PSPH: variants seen among roughly 807,000 people sequenced by gnomAD.
PSPH encodes the protein phosphoserine phosphatase.
In PSPH, 16 loss-of-function variants were observed where a neutral mutation model predicts 23.4. The ratio of observed to expected loss-of-function variants is 0.68; its 90% CI spans 0.46 to 1.04. The LOEUF (loss-of-function observed/expected upper bound fraction) is 1.04, where lower values mean the gene tolerates loss of function less well. Among genes scored for constraint, PSPH ranks in the 50% least tolerant of loss-of-function variants. The probability of loss-of-function intolerance (pLI) is 0.00; values close to 1 mark genes in which losing one functional copy is unlikely to be tolerated. For synonymous variants in PSPH, 68 were observed against 99.7 expected (o/e 0.68, Z 1.89); for missense variants, 223 against 273.7 (o/e 0.81, Z 1.31).
At chr7:56,040,919 AG>A in intron 1 of PSPH, among the ~76,000 whole-genome samples, 1 of 152,110 alleles carries the variant, frequency 6.6e-6, no homozygotes, top group South Asian at 2.1e-4. Context: ...GCAGAAAGGG[AG>A]TGGAAACCCT....
At chr7:56,039,812 T>C (rs1192687376) in intron 1 of PSPH, among the ~76,000 whole-genome samples, 1 of 120,376 alleles carries the variant, frequency 8.3e-6, no homozygotes, top group Non-Finnish European at 1.7e-5. Flanking sequence ...AAAAAAACAA[T>C]ATATGGCTGG....
At chr7:56,034,591 C>T (rs1791476987) in intron 1 of PSPH, among the ~76,000 whole-genome samples, 1 of 152,174 alleles carries the variant, frequency 6.6e-6, no homozygotes, top group South Asian at 2.1e-4. Flanking sequence ...TCTCGGCTCA[C>T]TGCAAGCTCC....
chr7:56,012,427 C>T (rs770895010), intron 7 of PSPH, among the ~76,000 whole-genome samples: 12 of 152,050 alleles, frequency 7.9e-5, no homozygotes, highest in Non-Finnish European at 1.3e-4. Context: ...GCAATCCTCC[C>T]GCCTCAGCCT....
chr7:56,049,551 G>A (rs547806163), intron 1 of PSPH, among the ~76,000 whole-genome samples: 16 of 151,720 alleles, frequency 1.1e-4, no homozygotes, highest in Non-Finnish European at 1.5e-4. Context: ...TGATTCTCCC[G>A]CCTCAGCCTC....
intron 1 of PSPH, among the ~76,000 whole-genome samples, chr7:56,039,855 T>C (rs913144366): frequency 5.3e-5 from 8 of 151,296 alleles, no homozygotes; most frequent in Middle Eastern, 3.5e-3. Flanking sequence ...TCCCAGCACT[T>C]TGGGAGGCCG....
intron 5 of PSPH, among the ~76,000 whole-genome samples, chr7:56,019,224 T>C (rs1788984723): frequency 6.6e-6 from 1 of 151,920 alleles, no homozygotes; most frequent in Admixed American, 6.6e-5. Context: ...GGCAGATCAT[T>C]TGAGGTCAAG....
chr7:56,029,863 G>A (rs1385509248), intron 3 of PSPH, among the ~76,000 whole-genome samples: 2 of 151,806 alleles, frequency 1.3e-5, no homozygotes, highest in Non-Finnish European at 2.9e-5. Flanking sequence ...AAGTATAGCC[G>A]GGCGTGGGGA....
intron 5 of PSPH, among the ~76,000 whole-genome samples, chr7:56,017,880 G>A (rs554960464): frequency 6.6e-6 from 1 of 151,926 alleles, no homozygotes; most frequent in East Asian, 2.0e-4. Context: ...GCACCACCAC[G>A]CCCAGCTAAC....
intron 1 of PSPH, among the ~76,000 whole-genome samples, chr7:56,041,341 T>C (rs1792515728): frequency 6.6e-6 from 1 of 150,618 alleles, no homozygotes; most frequent in African/African-American, 2.4e-5. Context: ...GCCTCCCAAA[T>C]AGCTGGGACC....
intron 1 of PSPH, among the ~76,000 whole-genome samples, chr7:56,045,600 C>T (rs187654664): frequency 3.9e-5 from 6 of 152,084 alleles, no homozygotes; most frequent in African/African-American, 1.4e-4. Context: ...AGAAAGAAGA[C>T]TCCTGGCCAG....
intron 1 of PSPH, among the ~76,000 whole-genome samples, chr7:56,037,200 C>A (rs1387935313): frequency 1.3e-5 from 2 of 149,596 alleles, no homozygotes; most frequent in Non-Finnish European, 3.0e-5. Flanking sequence ...AGCTTCATAG[C>A]TGTTCTTAGT....
chr7:56,044,941 G>A (rs1440494262), intron 1 of PSPH, among the ~76,000 whole-genome samples: 2 of 150,252 alleles, frequency 1.3e-5, no homozygotes, highest in Non-Finnish European at 3.0e-5. Context: ...GCATGCTGGT[G>A]CATGCCTGTA....
At chr7:56,038,874 T>G (rs986331862) in intron 1 of PSPH, among the ~76,000 whole-genome samples, 10 of 151,964 alleles carry the variant, frequency 6.6e-5, no homozygotes, top group African/African-American at 2.4e-4. Context: ...CTGGGTGCAG[T>G]GGCTCACACC....
At chr7:56,044,462 A>T (rs1792966777) in intron 1 of PSPH, among the ~76,000 whole-genome samples, 1 of 152,186 alleles carries the variant, frequency 6.6e-6, no homozygotes, top group Non-Finnish European at 1.5e-5. Context: ...TTAGGAGGAC[A>T]AAGATTATGG....
At chr7:56,026,342 G>A (rs1790183285) in intron 3 of PSPH, among the ~76,000 whole-genome samples, 1 of 150,606 alleles carries the variant, frequency 6.6e-6, no homozygotes, top group African/African-American at 2.5e-5. Flanking sequence ...CGGGCATGGT[G>A]GCAGGCACCT....
chr7:56,036,216 G>T (rs1362925661), intron 1 of PSPH, among the ~76,000 whole-genome samples: 2 of 151,816 alleles, frequency 1.3e-5, no homozygotes, highest in East Asian at 3.9e-4. Context: ...AACAGAGCGA[G>T]AATCCATCTC....
At chr7:56,040,875 G>A (rs193168596) in intron 1 of PSPH, among the ~76,000 whole-genome samples, 3 of 152,110 alleles carry the variant, frequency 2.0e-5, no homozygotes, top group East Asian at 1.9e-4. Flanking sequence ...GAGCAGAGCA[G>A]GGATACAAAG....
intron 5 of PSPH, among the ~76,000 whole-genome samples, chr7:56,017,863 C>T (rs77057829): frequency 0.027 from 4,123 of 151,982 alleles, 173 homozygotes; most frequent in African/African-American, 0.09. Flanking sequence ...GCTGGGACAA[C>T]AGATGCGCAC....
At chr7:56,015,240 AGAT>A in intron 6 of PSPH, 69 bp from the exon 7 acceptor site, 1 of 1,555,912 alleles carries the variant, frequency 6.4e-7, no homozygotes, top group Non-Finnish European at 8.9e-7. Flanking sequence ...CTTTCTGCAT[AGAT>A]GATATCTTCA....
Sources: gnomAD v4.1 joint callset for allele counts (sites outside exome capture counted in the v4.1 genomes callset) on GRCh38, gnomAD v4.1.1 for gene constraint, MANE v1.5 for transcripts, NCBI Gene and HGNC (gene_info 2026-07-23, HGNC 2026-07-21) for gene names.